Variants in AP3B1 observed in about 807,000 individuals in gnomAD.
AP3B1 encodes the protein AP-3 complex subunit beta-1.
A neutral mutation model predicts 132.5 loss-of-function variants in AP3B1; 61 were observed. The observed-to-expected ratio is 0.46, with a 90% confidence interval of 0.37 to 0.57. The LOEUF (loss-of-function observed/expected upper bound fraction) is 0.57. Ranked by LOEUF, AP3B1 falls within the 20% of genes least tolerant of loss-of-function variation. The pLI, the probability that AP3B1 is intolerant of heterozygous loss-of-function variation, is 0.00. For missense variants in AP3B1, 1,120 were observed against 1,289.4 expected (o/e 0.87, Z 2.01); for synonymous variants, 388 against 438.3 (o/e 0.89, Z 1.43).
intron 3 of AP3B1, among the ~76,000 whole-genome samples, chr5:78,235,618 C>T (rs1447626105): frequency 1.3e-5 from 2 of 152,242 alleles, no homozygotes; most frequent in Non-Finnish European, 2.9e-5. Context: ...TGAAACCATT[C>T]TGTGACCAGA....
chr5:78,257,127 C>G (rs1210809532), intron 2 of AP3B1, among the ~76,000 whole-genome samples: 1 of 152,168 alleles, frequency 6.6e-6, no homozygotes, highest in Non-Finnish European at 1.5e-5. Flanking sequence ...AGGTTGCCCA[C>G]TGTCATCTCT....
intron 14 of AP3B1, among the ~76,000 whole-genome samples, chr5:78,146,316 TGA>T: frequency 6.6e-6 from 1 of 152,198 alleles, no homozygotes; most frequent in Non-Finnish European, 1.5e-5. Context: ...TTGACCATTT[TGA>T]GGGTTCTGCA....
Position 78,110,246 on chromosome 5 carries a change from T to C in AP3B1, c.2358A>G (p.Ser786=), listed in dbSNP as rs1241439438. 2 of 1,608,494 alleles carry C rather than the reference T, an allele frequency of 1.2e-6. No homozygotes were observed. Among genetic ancestry groups the C allele is most frequent in the South Asian group, 1.1e-5 (1 of 90,312 alleles). The change falls in exon 20 of 27, where the codon TCA becomes TCG. Residue 786 remains serine (S), a synonymous_variant. Transcript: ENST00000255194. ...EDSSSDSESE[S]EPESESESRR... ...TGGATTCAGATTCACTTTCAGGTTC[T>C]GACTCTGATTCAGAATCGGAAGAAC... is the stretch of plus-strand genomic sequence containing the variant.
intron 6 of AP3B1, among the ~76,000 whole-genome samples, chr5:78,220,640 A>C (rs1290147994): frequency 6.6e-6 from 1 of 151,778 alleles, no homozygotes; most frequent in East Asian, 1.9e-4. Flanking sequence ...CTTGAAAGAG[A>C]GGATGATTCA....
intron 26 of AP3B1, among the ~76,000 whole-genome samples, chr5:78,008,888 CA>C (rs1238569061): frequency 1.3e-5 from 2 of 151,898 alleles, no homozygotes; most frequent in East Asian, 3.9e-4. Flanking sequence ...AACTAACAAA[CA>C]AAAACAGTAA....
intron 1 of AP3B1, among the ~76,000 whole-genome samples, chr5:78,292,232 T>C (rs1449401624): frequency 2.0e-5 from 3 of 152,206 alleles, no homozygotes; most frequent in African/African-American, 2.4e-5. Context: ...ATTACGGTTT[T>C]ATAAATGAGA....
chr5:78,277,526 T>G (rs918788652), intron 1 of AP3B1, among the ~76,000 whole-genome samples: 2 of 152,112 alleles, frequency 1.3e-5, no homozygotes, highest in African/African-American at 4.8e-5. Flanking sequence ...AAAGTAAGAC[T>G]GGGTGATCAC....
intron 14 of AP3B1, among the ~76,000 whole-genome samples, chr5:78,154,242 A>G (rs1743045366): frequency 1.3e-5 from 2 of 152,040 alleles, no homozygotes; most frequent in Non-Finnish European, 2.9e-5. Flanking sequence ...TCTAGGGTAA[A>G]AGTTGTTTTC....
At chr5:78,269,843 A>G (rs938166659) in intron 1 of AP3B1, among the ~76,000 whole-genome samples, 5 of 152,084 alleles carry the variant, frequency 3.3e-5, no homozygotes, top group African/African-American at 1.2e-4. Context: ...TCTAATTTAA[A>G]AAGTGGGGCT....
At chr5:78,271,263 A>G (rs918563513) in intron 1 of AP3B1, among the ~76,000 whole-genome samples, 3 of 152,076 alleles carry the variant, frequency 2.0e-5, no homozygotes, top group African/African-American at 7.2e-5. Context: ...CTCTACTAAA[A>G]ATACAAAATT....
intron 22 of AP3B1, among the ~76,000 whole-genome samples, chr5:78,066,522 C>T (rs1749296621): frequency 6.6e-6 from 1 of 152,116 alleles, no homozygotes; most frequent in Non-Finnish European, 1.5e-5. Context: ...CAATGCAACC[C>T]ACAAGTATCA....
intron 21 of AP3B1, among the ~76,000 whole-genome samples, chr5:78,097,687 T>C (rs1425459179): frequency 2.0e-5 from 3 of 146,394 alleles, no homozygotes; most frequent in East Asian, 2.1e-4. Context: ...GCCAGCCGCC[T>C]CGTCCAGGAG....
At chr5:78,146,292 G>A (rs1035957927) in intron 14 of AP3B1, among the ~76,000 whole-genome samples, 3 of 152,078 alleles carry the variant, frequency 2.0e-5, no homozygotes, top group Non-Finnish European at 4.4e-5. Flanking sequence ...ACCTTCTCCT[G>A]GGGTAACTTG....
At chr5:78,017,700 G>A (rs1387954109) in intron 25 of AP3B1, among the ~76,000 whole-genome samples, 2 of 151,772 alleles carry the variant, frequency 1.3e-5, no homozygotes, top group East Asian at 3.9e-4. Flanking sequence ...AAATTAACAG[G>A]AAAGAAAAAT....
chr5:78,113,594 T>C (rs992806125), intron 19 of AP3B1, among the ~76,000 whole-genome samples, 158 bp downstream of exon 19: 10 of 152,220 alleles, frequency 6.6e-5, no homozygotes, highest in Admixed American at 2.0e-4. Context: ...AGGAAAATAA[T>C]GTGAACAACT....
At chr5:78,013,462 T>C (rs181865071) in intron 26 of AP3B1, among the ~76,000 whole-genome samples, 1 of 152,294 alleles carries the variant, frequency 6.6e-6, no homozygotes, top group Non-Finnish European at 1.5e-5. Context: ...AACTAGATGT[T>C]CCAGCATAAA....
rs1580363320 is a variant in AP3B1, at chr5:78,115,112, T to C, written c.2077+1014A>G. Among the ~76,000 whole-genome samples, 4 of 152,314 alleles carry C rather than the reference T, an allele frequency of 2.6e-5. 1 individual carries two copies. In the South Asian group the frequency reaches 8.3e-4, roughly 32 times the overall value. On this transcript the variant is annotated intron_variant, in intron 18 of 26. Transcript: ENST00000255194. Reference sequence around the variant, plus strand: ...ATTTTACTAAAATAAAGCTACTAAATAAGGACATTTTAGATTTGTGGTAAT... The same window carrying C: ...ATTTTACTAAAATAAAGCTACTAAACAAGGACATTTTAGATTTGTGGTAAT...
At chr5:78,092,434 T>G (rs769441325) in intron 21 of AP3B1, among the ~76,000 whole-genome samples, 10 of 152,210 alleles carry the variant, frequency 6.6e-5, no homozygotes, top group Non-Finnish European at 1.2e-4. Flanking sequence ...TAGGTGACTG[T>G]GCTGAAGTAT....
chr5:78,235,325 G>C (rs967257960), intron 3 of AP3B1, among the ~76,000 whole-genome samples: 4 of 152,120 alleles, frequency 2.6e-5, no homozygotes, highest in Non-Finnish European at 5.9e-5. Flanking sequence ...AGTACAGCCA[G>C]CTTTTAAAAC....
Sources: allele counts gnomAD v4.1 joint callset (sites outside exome capture counted in the v4.1 genomes callset), GRCh38; gene constraint gnomAD v4.1.1; transcripts MANE v1.5; gene names NCBI Gene and HGNC (gene_info 2026-07-23, HGNC 2026-07-21).